HM13: variants seen among roughly 807,000 people sequenced by gnomAD.
HM13 encodes the protein signal peptide peptidase.
Under a neutral mutation model 50.0 loss-of-function variants are expected in HM13, and 18 were observed. The ratio of observed to expected loss-of-function variants is 0.36; its 90% CI spans 0.25 to 0.53. The LOEUF is 0.53. HM13 is among the 20% of genes least tolerant of loss of function. HM13 has a pLI of 0.90. For synonymous variants in HM13, 197 were observed against 232.6 expected (o/e 0.85, Z 1.39); for missense variants, 393 against 552.4 (o/e 0.71, Z 2.89).
rs567875333 is a variant in HM13, at chr20:31,534,095, C to T, written c.283-4084C>T. ...GGGTCTTGCCATGTTGCCTATGCTT[C>T]TTGAACTCCTGGCCTCATGCAATCC... On this transcript the variant is annotated intron_variant, in intron 2 of 12. Transcript: ENST00000398174. 2.7e-5 allele frequency among the ~76,000 whole-genome samples: 4 copies of T among 148,998 alleles called. No individual in the cohort carries two copies. In the East Asian group the frequency reaches 7.8e-4, roughly 29 times the overall value.
intron 4 of HM13, among the ~76,000 whole-genome samples, chr20:31,545,261 C>T (rs1159522998): frequency 6.6e-6 from 1 of 152,052 alleles, no homozygotes; most frequent in Non-Finnish European, 1.5e-5. Flanking sequence ...TTTTTTTTCC[C>T]ATCTGTAAAA....
intron 10 of HM13, among the ~76,000 whole-genome samples, chr20:31,564,774 G>A (rs1385517558): frequency 2.6e-5 from 4 of 151,448 alleles, no homozygotes; most frequent in African/African-American, 9.7e-5. Flanking sequence ...TACTCAGGAG[G>A]CGGAGGTTGC....
chr20:31,530,687 G>A (rs1389379717), intron 2 of HM13, among the ~76,000 whole-genome samples: 1 of 152,160 alleles, frequency 6.6e-6, no homozygotes, highest in Admixed American at 6.5e-5. Context: ...GGGATTACAG[G>A]CATGAGCCAT....
intron 8 of HM13, 67 bp from the exon 9 acceptor site, chr20:31,559,544 C>T (rs1372297679): frequency 1.5e-5 from 23 of 1,512,422 alleles, no homozygotes; most frequent in Non-Finnish European, 2.1e-5. Flanking sequence ...GACCAGGACC[C>T]AGTCTCCTGT....
intron 8 of HM13, among the ~76,000 whole-genome samples, chr20:31,556,489 A>G (rs1984322036): frequency 6.6e-6 from 1 of 152,198 alleles, no homozygotes; most frequent in African/African-American, 2.4e-5. Context: ...TTTGTGACAC[A>G]TGGAGGTGAC....
intron 3 of HM13, chr20:31,540,132 ATTG>A (rs1013957085): frequency 6.6e-6 from 1 of 152,218 alleles, no homozygotes; most frequent in African/African-American, 2.4e-5. Context: ...CACTGAGGTC[ATTG>A]TTGTCCTCAC....
intron 3 of HM13, chr20:31,539,311 G>A (rs1413998188): frequency 3.0e-6 from 3 of 985,364 alleles, no homozygotes; most frequent in Non-Finnish European, 3.6e-6. Context: ...CGTTGAAGAG[G>A]TGCAGCCTCA....
chr20:31,551,167 G>A (rs1207957701), intron 7 of HM13, among the ~76,000 whole-genome samples: 1 of 151,996 alleles, frequency 6.6e-6, no homozygotes, highest in Non-Finnish European at 1.5e-5. Flanking sequence ...TTCAGATATG[G>A]GATACTCAAC....
intron 2 of HM13, among the ~76,000 whole-genome samples, chr20:31,528,554 C>T (rs1982627868): frequency 6.6e-6 from 1 of 152,226 alleles, no homozygotes; most frequent in African/African-American, 2.4e-5. Flanking sequence ...TTTCGGCTCA[C>T]TACAACATCC....
chr20:31,560,252 C>A (rs1055435295), intron 9 of HM13, among the ~76,000 whole-genome samples: 1 of 152,222 alleles, frequency 6.6e-6, no homozygotes, highest in African/African-American at 2.4e-5. Flanking sequence ...ATGGGACTTG[C>A]CGTCAGCAGG....
chr20:31,556,506 G>C (rs1403010270), intron 8 of HM13, among the ~76,000 whole-genome samples: 1 of 152,148 alleles, frequency 6.6e-6, no homozygotes, highest in Non-Finnish European at 1.5e-5. Context: ...TGACACAGAG[G>C]CTTTCCCTGT....
In HM13 at chr20:31,556,836, T is replaced by C. The variant is rs561836038; in HGVS notation, c.808+2007T>C. 2.6e-4 allele frequency among the ~76,000 whole-genome samples: 39 copies of C among 152,026 alleles called. 1 individual carries two copies. Among genetic ancestry groups the C allele is most frequent in the Admixed American group, 2.2e-3 (34 of 15,276 alleles). On this transcript the variant is annotated intron_variant, in intron 8 of 12. Coordinates refer to ENST00000398174, the MANE Select transcript of HM13 (RefSeq NM_178581.3). ...GAGATCGAGACCATCCTGGCTAACA[T>C]GGTGAAACCCCGTCTCTACTAAAAA...
At chr20:31,530,132 G>A (rs1280895734) in intron 2 of HM13, among the ~76,000 whole-genome samples, 1 of 151,918 alleles carries the variant, frequency 6.6e-6, no homozygotes, top group East Asian at 1.9e-4. Context: ...TCATTCATAG[G>A]TAAATAAATA....
rs145038898 is a variant in HM13 at position 31,569,450 on chromosome 20, C to A, written c.*231C>A. ...GCAAAAGAAACCCCCAGCTTCCCCC[C>A]TCCCCGGGAGCCAGGTGGGAAAAGT... is the stretch of plus-strand genomic sequence containing the variant. On this transcript the variant is annotated 3_prime_UTR_variant, in exon 13 of 13. Transcript: ENST00000398174. 6 of 409,738 alleles carry A rather than the reference C, an allele frequency of 1.5e-5. No individual in the cohort carries two copies. Among genetic ancestry groups the A allele is most frequent in the East Asian group, 1.4e-4 (4 of 27,872 alleles). The allele number at this position is 409,738 out of a possible 1,614,324, so 25.4% of individuals were successfully genotyped here.
chr20:31,545,159 G>T, intron 4 of HM13, 124 bp downstream of exon 4: 3 of 760,824 alleles, frequency 3.9e-6, no homozygotes, highest in East Asian at 2.7e-5. Flanking sequence ...GAATTCCATG[G>T]CCTGGATTCA....
At chr20:31,553,334 C>G (rs996346846) in intron 7 of HM13, among the ~76,000 whole-genome samples, 2 of 152,034 alleles carry the variant, frequency 1.3e-5, no homozygotes, top group African/African-American at 4.8e-5. Context: ...GAGCTGACCC[C>G]CTACCTGCAA....
chr20:31,526,209 T>C (rs902540706), intron 1 of HM13, among the ~76,000 whole-genome samples: 5 of 150,442 alleles, frequency 3.3e-5, no homozygotes, highest in African/African-American at 1.2e-4. Flanking sequence ...CAGGCTAGAG[T>C]GTTCAGTTGT....
At position 31,523,722 on chromosome 20, in the gene HM13, T is replaced by C. The variant is rs1200575163; in HGVS notation, c.184-3762T>C. On this transcript the variant is annotated intron_variant, in intron 1 of 12. Transcript: ENST00000398174. ...AAATGTATTGAATGTGTGGAGATGC[T>C]CAGAGGGGATGAGGAACTTGCCCAA... Among the ~76,000 whole-genome samples the C allele has an allele frequency of 2.0e-5, 3 of 152,308 alleles. No individual in the cohort carries two copies. The East Asian group carries it at 5.8e-4, about 29-fold the overall frequency.
intron 1 of HM13, 92 bp from the exon 2 acceptor site, chr20:31,527,392 C>A: frequency 1.2e-6 from 1 of 828,744 alleles, no homozygotes; most frequent in South Asian, 1.7e-5. Context: ...AGGCAGGCAG[C>A]ATCCCTAGCC....
Sources: allele counts gnomAD v4.1 joint callset (sites outside exome capture counted in the v4.1 genomes callset), GRCh38; gene constraint gnomAD v4.1.1; transcripts MANE v1.5; gene names NCBI Gene and HGNC (gene_info 2026-07-23, HGNC 2026-07-21).